SVIL: variants seen among roughly 807,000 people sequenced by gnomAD.
The protein encoded by SVIL is supervillin.
In SVIL, 101 loss-of-function variants were observed where a neutral mutation model predicts 240.4. The observed-to-expected ratio is 0.42, with a 90% CI of 0.36 to 0.50. The LOEUF is 0.50. SVIL is among the 20% of genes least tolerant of loss of function. The pLI, the probability that SVIL is intolerant of heterozygous loss-of-function variation, is 0.01. For synonymous variants in SVIL, 999 were observed against 1,100.0 expected, an observed-to-expected ratio of 0.91 and a Z score of 1.82; for missense variants, 2,512 against 2,818.7, an observed-to-expected ratio of 0.89 and a Z score of 2.46.
At chr10:29,687,773 AC>A (rs1301031632) in intron 1 of SVIL, among the ~76,000 whole-genome samples, 1 of 151,890 alleles carries the variant, frequency 6.6e-6, no homozygotes, top group African/African-American at 2.4e-5. Flanking sequence ...TAAATACTAA[AC>A]CTCCTGAAAA....
chr10:29,572,340 C>T (rs888424647), intron 1 of SVIL, among the ~76,000 whole-genome samples: 14 of 151,938 alleles, frequency 9.2e-5, no homozygotes, highest in African/African-American at 2.2e-4. Context: ...CGAGGAACAA[C>T]GTCAGTACCT....
At chr10:29,528,769 G>A (rs1387959174) in intron 12 of SVIL, among the ~76,000 whole-genome samples, 2 of 152,064 alleles carry the variant, frequency 1.3e-5, no homozygotes, top group Non-Finnish European at 2.9e-5. Context: ...GCAAAAATAA[G>A]AAAATTTTTC....
At position 29,487,384 on chromosome 10, in the gene SVIL, C is replaced by T. The variant is rs1343630847; in HGVS notation, c.4349-85G>A. The T allele has an allele frequency of 1.4e-5, 20 of 1,429,662 alleles. No homozygotes were observed. In the Admixed American group the frequency reaches 1.5e-4, roughly 11 times the overall value. The allele number at this position is 1,429,662 out of a possible 1,614,324, so 88.6% of individuals were successfully genotyped here. A position where few individuals can be genotyped will look rare whatever the true frequency, so the allele number is the denominator to read the frequency against. On this transcript the variant is annotated intron_variant, in intron 23 of 37. Transcript: ENST00000355867. ...ATATCGGAAGCATCCCTGCTGCGGA[C>T]GCTTTCACTTCTAAAGAGTCTTGTC... is the stretch of plus-strand genomic sequence containing the variant.
chr10:29,531,363 GA>G (rs1951356260), intron 9 of SVIL, 75 bp from the exon 10 acceptor site: 6 of 1,355,670 alleles, frequency 4.4e-6, no homozygotes, highest in African/African-American at 1.5e-5. Flanking sequence ...ACATCATACT[GA>G]AAGTAAAAAT....
chr10:29,466,232 CAT>C (rs10552505), intron 33 of SVIL, among the ~76,000 whole-genome samples: 55,933 of 151,078 alleles, frequency 0.37, 10,647 homozygotes, highest in East Asian at 0.54. Context: ...CATAAATATG[CAT>C]ATATGTTATA....
chr10:29,552,273 C>A (rs1953431417), intron 5 of SVIL, among the ~76,000 whole-genome samples: 1 of 151,796 alleles, frequency 6.6e-6, no homozygotes, highest in African/African-American at 2.4e-5. Flanking sequence ...AAAATGTTTT[C>A]CCAGCTGGCT....
chr10:29,715,747 G>A (rs1248931285), intron 1 of SVIL, among the ~76,000 whole-genome samples: 1 of 152,184 alleles, frequency 6.6e-6, no homozygotes, highest in Non-Finnish European at 1.5e-5. Context: ...AAATTCCTGA[G>A]TGCCATGGGA....
Position 29,594,634 on chromosome 10 carries a change from G to A in SVIL, c.-200-25322C>T, listed in dbSNP as rs574125420. 1.7e-4 allele frequency among the ~76,000 whole-genome samples: 25 copies of A among 150,346 alleles called. No individual in the cohort carries two copies. The South Asian group carries it at 4.2e-3, about 25-fold the overall frequency. ...TCCAGTGGTGCAGTCTGGGCTCATC[G>A]CAATCTTTGCCTCCTGGGCTCAGGT... On this transcript the variant is annotated intron_variant, in intron 1 of 37. Transcript: ENST00000355867.
At chr10:29,473,091 C>T (rs977931501) in intron 30 of SVIL, among the ~76,000 whole-genome samples, 14 of 151,828 alleles carry the variant, frequency 9.2e-5, no homozygotes, top group African/African-American at 2.4e-4. Flanking sequence ...AGGAGGTGGC[C>T]GTGGAACAGG....
At chr10:29,512,960 T>C (rs1949953760) in intron 16 of SVIL, 99 bp from the exon 17 acceptor site, 2 of 1,465,700 alleles carry the variant, frequency 1.4e-6, no homozygotes, top group Non-Finnish European at 1.8e-6. Context: ...GGCCAAGATA[T>C]GACCACAGCC....
At chr10:29,474,240 GC>G (rs1472854339) in intron 29 of SVIL, among the ~76,000 whole-genome samples, 1 of 152,182 alleles carries the variant, frequency 6.6e-6, no homozygotes, top group African/African-American at 2.4e-5. Context: ...CCCTCTTGGT[GC>G]CCTGAGAAAA....
intron 1 of SVIL, among the ~76,000 whole-genome samples, chr10:29,711,077 G>C (rs1963239137): frequency 6.6e-6 from 1 of 152,028 alleles, no homozygotes; most frequent in East Asian, 1.9e-4. Flanking sequence ...CCTCAACAAG[G>C]CACACACACC....
chr10:29,609,263 G>A (rs1174029369), intron 1 of SVIL, among the ~76,000 whole-genome samples: 2 of 152,226 alleles, frequency 1.3e-5, no homozygotes, highest in Non-Finnish European at 2.9e-5. Flanking sequence ...TGTGGGTGGT[G>A]ACATGCTCCT....
Position 29,473,552 on chromosome 10 carries a change from G to C in SVIL, c.5529+286C>G, listed in dbSNP as rs1945829803. 8 of 473,044 alleles carry C rather than the reference G, an allele frequency of 1.7e-5. No homozygotes were observed. In the South Asian group the frequency reaches 2.1e-4, roughly 12 times the overall value. The allele number at this position is 473,044 out of a possible 1,614,324, so 29.3% of individuals were successfully genotyped here. ...TACTTACAGTGCCTTGATTGGTTAG[G>C]TGGAAACCTTTCAAAGCCACCCATT... On this transcript the variant is annotated intron_variant, in intron 30 of 37. Coordinates refer to ENST00000355867, the MANE Select transcript of SVIL (RefSeq NM_021738.3).
In SVIL at chr10:29,524,452, TC is replaced by T; in HGVS notation, c.2586+19del. On this transcript the variant is annotated intron_variant, in intron 14 of 37. Transcript: ENST00000355867. ...AAGAACACACACACACAAACTGCAA[TC>T]GGACTATAGCACACCCACCTGCTCC... is the stretch of plus-strand genomic sequence containing the variant. The T allele has an allele frequency of 1.9e-6, 3 of 1,612,214 alleles. No individual in the cohort carries two copies. The highest frequency in any genetic ancestry group is 2.5e-6 in the Non-Finnish European group (3 of 1,178,800).
At chr10:29,691,287 C>T (rs1961482492) in intron 1 of SVIL, among the ~76,000 whole-genome samples, 1 of 151,564 alleles carries the variant, frequency 6.6e-6, no homozygotes, top group Admixed American at 6.6e-5. Flanking sequence ...TCTCGGCTCA[C>T]TGCAAGCTCC....
chr10:29,671,665 C>T (rs1959786092), intron 2 of SVIL, among the ~76,000 whole-genome samples: 1 of 152,202 alleles, frequency 6.6e-6, no homozygotes, highest in South Asian at 2.1e-4. Flanking sequence ...ATACTCTAGG[C>T]TTCTCCTAGG....
chr10:29,514,004 G>A (rs370877262), intron 16 of SVIL, among the ~76,000 whole-genome samples: 7 of 151,284 alleles, frequency 4.6e-5, no homozygotes, highest in East Asian at 1.9e-4. Flanking sequence ...AAAAAAGGTG[G>A]TGATCACTAA....
chr10:29,543,998 T>C (rs975995446), intron 6 of SVIL, among the ~76,000 whole-genome samples: 1 of 152,144 alleles, frequency 6.6e-6, no homozygotes, highest in Admixed American at 6.5e-5. Context: ...TACCAGGAAA[T>C]AATAACTCAC....
Sources: allele counts gnomAD v4.1 joint callset (sites outside exome capture counted in the v4.1 genomes callset), GRCh38; gene constraint gnomAD v4.1.1; transcripts MANE v1.5; gene names NCBI Gene and HGNC (gene_info 2026-07-23, HGNC 2026-07-21).